The following ACSM2A variants were observed in gnomAD, a reference collection of about 807,000 sequenced individuals.
The protein encoded by ACSM2A is acyl-CoA synthetase medium chain family member 2A.
In ACSM2A, 72 loss-of-function variants were observed where a neutral mutation model predicts 76.6. The observed-to-expected ratio is 0.94, with a 90% CI of 0.78 to 1.14. ACSM2A has a LOEUF of 1.14. Among genes scored for constraint, ACSM2A ranks in the 50% most tolerant of loss-of-function variants. The pLI, the probability that ACSM2A is intolerant of heterozygous loss-of-function variation, is 0.00. For missense variants in ACSM2A, 684 were observed against 708.5 expected, an observed-to-expected ratio of 0.97 and a Z score of 0.39; for synonymous variants, 249 against 255.9, an observed-to-expected ratio of 0.97 and a Z score of 0.26.
intron 1 of ACSM2A, chr16:20,453,851 G>A (rs2011941683): frequency 7.7e-6 from 1 of 130,016 alleles, no homozygotes; most frequent in Admixed American, 7.5e-5. Context: ...ACGCCCTGGT[G>A]TCCTGCAGTA....
At position 20,475,749 on chromosome 16, in the gene ACSM2A, A is replaced by C. The variant is rs1430081934; in HGVS notation, c.1074A>C (p.Arg358=). ...GGGCCCAGACAGGACTGGACATCCG[A>C]GAATCCTATGGCCAGACAGAAACGG... ...NWRAQTGLDI[R]ESYGQTETGL... is the part of the protein sequence containing the mutation. Residue 358 remains arginine (R), a synonymous_variant, in exon 8 of 14, where the codon CGA becomes CGC. Coordinates refer to ENST00000573854, the MANE Select transcript of ACSM2A (RefSeq NM_001308172.2). 4 of 1,614,038 alleles carry C rather than the reference A, an allele frequency of 2.5e-6. No individual in the cohort carries two copies. Among genetic ancestry groups the C allele is most frequent in the Non-Finnish European group, 3.4e-6 (4 of 1,179,916 alleles).
intron 13 of ACSM2A, 43 bp downstream of exon 13, chr16:20,483,220 G>A (rs533724330): frequency 5.0e-5 from 81 of 1,606,230 alleles, no homozygotes; most frequent in Non-Finnish European, 6.6e-5. Flanking sequence ...TTGAGAAATA[G>A]ATTGTTTTCC....
At chr16:20,457,172 A>G (rs1225762319) in intron 1 of ACSM2A, among the ~76,000 whole-genome samples, 2 of 151,802 alleles carry the variant, frequency 1.3e-5, no homozygotes, top group East Asian at 1.9e-4. Flanking sequence ...AAAATTATCA[A>G]CAACAACAAC....
At chr16:20,470,882 C>T (rs2013348253) in intron 4 of ACSM2A, 191 bp from the exon 5 acceptor site, 2 of 832,260 alleles carry the variant, frequency 2.4e-6, no homozygotes, top group Non-Finnish European at 2.0e-6. Flanking sequence ...AAGTGTGAAA[C>T]TTCAGTAGTT....
intron 2 of ACSM2A, among the ~76,000 whole-genome samples, chr16:20,464,380 G>C (rs1206326764): frequency 6.6e-6 from 1 of 152,196 alleles, no homozygotes; most frequent in Admixed American, 6.5e-5. Flanking sequence ...AAAGAAAAGA[G>C]ATTTAATTGG....
At chr16:20,486,464 C>G (rs570283826) in intron 13 of ACSM2A, 110 bp from the exon 14 acceptor site, 8 of 1,229,602 alleles carry the variant, frequency 6.5e-6, no homozygotes, top group African/African-American at 1.5e-5. Context: ...GGCAGCTGCC[C>G]TGAAGTGGCT....
intron 4 of ACSM2A, chr16:20,470,835 G>C (rs757977797): frequency 5.2e-5 from 36 of 687,502 alleles, no homozygotes; most frequent in Non-Finnish European, 8.1e-5. Flanking sequence ...CAGACACAGA[G>C]ACGTTAAATA....
intron 1 of ACSM2A, among the ~76,000 whole-genome samples, chr16:20,458,905 CATATATAT>C (rs72108144): frequency 8.0e-5 from 6 of 74,872 alleles, no homozygotes; most frequent in Non-Finnish European, 1.2e-4. Context: ...TATATATATG[CATATATAT>C]ATATATATAT....
At chr16:20,464,650 C>T (rs1250057027) in intron 2 of ACSM2A, among the ~76,000 whole-genome samples, 1 of 152,040 alleles carries the variant, frequency 6.6e-6, no homozygotes, top group Non-Finnish European at 1.5e-5. Flanking sequence ...CCCACCAAGC[C>T]CCACCTCTGA....
chr16:20,454,898 A>C (rs1237388897), intron 1 of ACSM2A, among the ~76,000 whole-genome samples: 1 of 125,474 alleles, frequency 8.0e-6, no homozygotes, highest in African/African-American at 3.4e-5. Flanking sequence ...GTCCAATTTA[A>C]GGAAAAAAAA....
intron 4 of ACSM2A, 27 bp from the exon 5 acceptor site, chr16:20,471,046 A>G (rs1827711): frequency 0.32 from 522,895 of 1,610,796 alleles, 95,563 homozygotes; most frequent in East Asian, 0.81. Flanking sequence ...CTAGCTCTGA[A>G]AAAATGACAA....
At chr16:20,461,846 A>C (rs1389217674) in intron 2 of ACSM2A, among the ~76,000 whole-genome samples, 1 of 152,282 alleles carries the variant, frequency 6.6e-6, no homozygotes, top group African/African-American at 2.4e-5. Flanking sequence ...TCTTAGTGGA[A>C]GGATGGGAAA....
chr16:20,469,534 C>A lies in ACSM2A; in HGVS notation c.411C>A (p.Thr137=), dbSNP rs568184134. 3 of 1,613,136 alleles carry A rather than the reference C, an allele frequency of 1.9e-6. No individual in the cohort carries two copies. Among genetic ancestry groups the A allele is most frequent in the African/African-American group, 1.3e-5 (1 of 74,840 alleles). ...IRAGLIFMPG[T]IQMKSTDILY... is the part of the protein sequence containing the mutation. ...TAGGTCTCATCTTTATGCCTGGAAC[C>A]ATCCAGATGAAATCCACTGACATAC... Residue 137 remains threonine (T), a synonymous_variant, in exon 4 of 14, where the codon ACC becomes ACA. Transcript: ENST00000573854.
intron 6 of ACSM2A, among the ~76,000 whole-genome samples, chr16:20,473,492 T>C (rs1406217656): frequency 6.6e-6 from 1 of 152,136 alleles, no homozygotes; most frequent in Admixed American, 6.6e-5. Flanking sequence ...ATAAGGAATA[T>C]GGGATCATTT....
rs187974533 is a variant in ACSM2A, at chr16:20,469,058, A to T, written c.389-454A>T. 1.0e-3 allele frequency among the ~76,000 whole-genome samples: 152 copies of T among 152,330 alleles called. 1 individual carries two copies. Among genetic ancestry groups the T allele is most frequent in the African/African-American group, 3.4e-3 (140 of 41,574 alleles). On this transcript the variant is annotated intron_variant, in intron 3 of 13. Coordinates refer to ENST00000573854, the MANE Select transcript of ACSM2A (RefSeq NM_001308172.2). ...AACTGAAGGCACTCTCATCTAAGAA[A>T]AATGCATTTAATGTCCCAGGGATGA... is the stretch of plus-strand genomic sequence containing the variant.
At chr16:20,477,551 T>C in intron 9 of ACSM2A, 102 bp downstream of exon 9, 1 of 1,458,532 alleles carries the variant, frequency 6.9e-7, no homozygotes, top group South Asian at 1.7e-5. Flanking sequence ...TAGAAAGTAC[T>C]GATATTAAGA....
intron 2 of ACSM2A, among the ~76,000 whole-genome samples, chr16:20,464,755 T>A (rs1174486685): frequency 6.6e-6 from 1 of 151,952 alleles, no homozygotes; most frequent in Non-Finnish European, 1.5e-5. Context: ...AGTCGGAAAG[T>A]AGAATGGTGT....
chr16:20,473,463 C>T (rs2013537657), intron 6 of ACSM2A, among the ~76,000 whole-genome samples: 1 of 152,048 alleles, frequency 6.6e-6, no homozygotes, highest in Non-Finnish European at 1.5e-5. Flanking sequence ...ACAAGCTGAG[C>T]TTCTAGTAAG....
chr16:20,464,847 G>A (rs563496598), intron 2 of ACSM2A, among the ~76,000 whole-genome samples: 2 of 152,082 alleles, frequency 1.3e-5, no homozygotes, highest in South Asian at 2.1e-4. Flanking sequence ...TGAAAAACTC[G>A]GGAGATGGAT....
Sources: gnomAD v4.1 joint callset for allele counts (sites outside exome capture counted in the v4.1 genomes callset) on GRCh38, gnomAD v4.1.1 for gene constraint, MANE v1.5 for transcripts, NCBI Gene and HGNC (gene_info 2026-07-23, HGNC 2026-07-21) for gene names.